The following RGS5 variants were observed in gnomAD, a reference collection of about 807,000 sequenced individuals.
RGS5 encodes the protein regulator of G-protein signalling 5.
RGS5 carries 20 observed loss-of-function variants against 18.9 expected under a neutral mutation model. The ratio of observed to expected loss-of-function variants is 1.06; its 90% CI spans 0.74 to 1.54. RGS5 has a LOEUF of 1.54. Ranked by LOEUF, RGS5 falls within the 40% of genes most tolerant of loss-of-function variation. The pLI is 0.00. For missense variants in RGS5, 201 were observed against 211.8 expected, an observed-to-expected ratio of 0.95 and a Z score of 0.32; for synonymous variants, 57 against 76.2, an observed-to-expected ratio of 0.75 and a Z score of 1.31.
chr1:163,279,842 G>C (rs1238901897), intron 2 of RGS5, among the ~76,000 whole-genome samples: 1 of 151,882 alleles, frequency 6.6e-6, no homozygotes, highest in South Asian at 2.1e-4. Context: ...CTTGATACCA[G>C]AGAAATACAA....
intron 1 of RGS5, among the ~76,000 whole-genome samples, chr1:163,185,220 A>G (rs1659019694): frequency 6.6e-6 from 1 of 151,974 alleles, no homozygotes. Flanking sequence ...ACACACACAC[A>G]CGCAGAGGGG....
intron 1 of RGS5, among the ~76,000 whole-genome samples, chr1:163,201,235 G>A (rs1270511307): frequency 6.6e-6 from 1 of 152,060 alleles, no homozygotes; most frequent in African/African-American, 2.4e-5. Context: ...AAATGGCAAA[G>A]GAAATAATTA....
intron 1 of RGS5, among the ~76,000 whole-genome samples, chr1:163,168,585 C>G (rs967251669): frequency 6.6e-6 from 1 of 152,162 alleles, no homozygotes; most frequent in Admixed American, 6.5e-5. Flanking sequence ...TTAATTTGCA[C>G]TACATTTTAA....
At chr1:163,243,255 C>A (rs1647837034) in intron 2 of RGS5, among the ~76,000 whole-genome samples, 1 of 152,054 alleles carries the variant, frequency 6.6e-6, no homozygotes, top group Non-Finnish European at 1.5e-5. Context: ...AACACACGGA[C>A]ACAGGGAGGG....
chr1:163,213,961 G>C (rs1240705552), intron 1 of RGS5, among the ~76,000 whole-genome samples: 1 of 152,136 alleles, frequency 6.6e-6, no homozygotes, highest in Non-Finnish European at 1.5e-5. Context: ...TATTCTTTGA[G>C]ATTAACTGAT....
intron 2 of RGS5, among the ~76,000 whole-genome samples, chr1:163,276,512 G>A (rs577614989): frequency 1.3e-5 from 2 of 152,256 alleles, no homozygotes; most frequent in South Asian, 4.1e-4. Context: ...CTAAAACCAA[G>A]ATTATAGTAG....
chr1:163,243,832 ACACACATT>A (rs1451165674), intron 2 of RGS5, among the ~76,000 whole-genome samples: 1 of 151,802 alleles, frequency 6.6e-6, no homozygotes, highest in East Asian at 1.9e-4. Flanking sequence ...ACACACACAT[ACACACATT>A]GGTTTGGCAA....
At chr1:163,172,696 G>A (rs1348928759) in intron 1 of RGS5, 2 of 1,272,156 alleles carry the variant, frequency 1.6e-6, no homozygotes, top group Non-Finnish European at 2.1e-6. Context: ...GCATTATAAA[G>A]TTAAGAGTAT....
chr1:163,202,687 C>T (rs1183079007), intron 1 of RGS5, 105 bp downstream of exon 1: 1 of 932,274 alleles, frequency 1.1e-6, no homozygotes. Flanking sequence ...TGTTTCACCT[C>T]AGCTTAGCCA....
At chr1:163,296,760 A>C (rs190838316) in intron 2 of RGS5, among the ~76,000 whole-genome samples, 1 of 152,210 alleles carries the variant, frequency 6.6e-6, no homozygotes, top group African/African-American at 2.4e-5. Flanking sequence ...AATTTTAAAC[A>C]GGAATATGGC....
At chr1:163,201,445 T>C (rs2999964) in intron 1 of RGS5, among the ~76,000 whole-genome samples, 7,773 of 152,178 alleles carry the variant, frequency 0.051, 631 homozygotes, top group African/African-American at 0.17. Flanking sequence ...ATCTAACTTC[T>C]ACAACTTAAC....
rs1316965669 is a variant in RGS5 at position 163,284,356 on chromosome 1, A to G, written c.-281+21877T>C. Among the ~76,000 whole-genome samples the G allele has an allele frequency of 2.6e-5, 4 of 152,168 alleles. No homozygotes were observed. The East Asian group carries it at 7.7e-4, about 29-fold the overall frequency. On this transcript the variant is annotated intron_variant, in intron 2 of 5. Coordinates refer to the RGS5 transcript ENST00000618415. ...TAGCTATCTATTCATGCTCATGGCT[A>G]CAGAGTCACCTACTCTAAGTCTTAA...
chr1:163,236,872 A>T (rs1397678014), intron 2 of RGS5, among the ~76,000 whole-genome samples: 1 of 152,130 alleles, frequency 6.6e-6, no homozygotes, highest in African/African-American at 2.4e-5. Context: ...GAGGCAGGGG[A>T]ATCACTTGAA....
At chr1:163,216,872 C>T (rs746096364) in intron 1 of RGS5, among the ~76,000 whole-genome samples, 2 of 152,166 alleles carry the variant, frequency 1.3e-5, no homozygotes, top group African/African-American at 2.4e-5. Context: ...ACAGCGACCT[C>T]GCCAACTAAA....
intron 2 of RGS5, among the ~76,000 whole-genome samples, chr1:163,231,574 T>C (rs1647482287): frequency 6.6e-6 from 1 of 152,140 alleles, no homozygotes; most frequent in South Asian, 2.1e-4. Flanking sequence ...CTATTTTTAG[T>C]CCAGTGGTAT....
At chr1:163,169,426 A>T (rs920741459) in intron 1 of RGS5, among the ~76,000 whole-genome samples, 1 of 152,190 alleles carries the variant, frequency 6.6e-6, no homozygotes, top group African/African-American at 2.4e-5. Flanking sequence ...TAGATCCCTG[A>T]GGAATCGCCA....
chr1:163,234,006 T>C (rs866390958), intron 2 of RGS5, among the ~76,000 whole-genome samples: 9 of 152,310 alleles, frequency 5.9e-5, no homozygotes, highest in South Asian at 2.1e-4. Flanking sequence ...ACAGGGGATA[T>C]GATGGCTTAG....
At chr1:163,277,632 C>T (rs1648890189) in intron 2 of RGS5, among the ~76,000 whole-genome samples, 2 of 152,234 alleles carry the variant, frequency 1.3e-5, no homozygotes, top group South Asian at 2.1e-4. Flanking sequence ...CCACTGTACC[C>T]TTAATAAAGT....
chr1:163,180,941 G>C (rs540680834), intron 1 of RGS5, among the ~76,000 whole-genome samples: 1 of 152,006 alleles, frequency 6.6e-6, no homozygotes, highest in East Asian at 1.9e-4. Context: ...TGATCCTCCC[G>C]CCTCCGCCTC....
Sources: gnomAD v4.1 joint callset for allele counts (sites outside exome capture counted in the v4.1 genomes callset) on GRCh38, gnomAD v4.1.1 for gene constraint, MANE v1.5 for transcripts, NCBI Gene and HGNC (gene_info 2026-07-23, HGNC 2026-07-21) for gene names.